The following NLRC5 variants were observed in gnomAD, a reference collection of about 807,000 sequenced individuals.
The protein encoded by NLRC5 is protein NLRC5.
In NLRC5, 114 loss-of-function variants were observed where a neutral mutation model predicts 206.9. That is an observed-to-expected ratio of 0.55 (90% CI 0.47 to 0.64). NLRC5 has a LOEUF of 0.64. Ranked by LOEUF, NLRC5 falls within the 30% of genes least tolerant of loss-of-function variation. The pLI is 0.00. For missense variants in NLRC5, 2,008 were observed against 2,305.5 expected, an observed-to-expected ratio of 0.87 and a Z score of 2.64; for synonymous variants, 952 against 962.8, an observed-to-expected ratio of 0.99 and a Z score of 0.21.
At chr16:57,037,906 C>A (rs1382039533) in intron 15 of NLRC5, among the ~76,000 whole-genome samples, 1 of 152,136 alleles carries the variant, frequency 6.6e-6, no homozygotes, top group Non-Finnish European at 1.5e-5. Context: ...AAACACCCCT[C>A]AAGGGAGGAG....
chr16:57,049,300 G>A (rs575476898), intron 23 of NLRC5, among the ~76,000 whole-genome samples: 1 of 152,260 alleles, frequency 6.6e-6, no homozygotes, highest in African/African-American at 2.4e-5. Flanking sequence ...TGCAGTCAGT[G>A]CTACAAAAAG....
Position 57,033,607 on chromosome 16 carries a change from T to G in NLRC5, c.2481T>G (p.Ala827=), listed in dbSNP as rs2062133546. 5.0e-6 allele frequency: 8 copies of G among 1,613,946 alleles called. No homozygotes were observed. The highest frequency in any genetic ancestry group is 6.8e-6 in the Non-Finnish European group (8 of 1,179,958). Residue 827 remains alanine, a synonymous_variant, in exon 12 of 49, where the codon GCT becomes GCG. Coordinates refer to ENST00000688547, the MANE Select transcript of NLRC5 (RefSeq NM_001384950.1). ...ATGCTTGATTTGTTCTTGCCAGAGC[T>G]CCAGACCTGCAGGAAAGTGACGGCC... ...PTETTAELQR[A]PDLQESDGQR...
chr16:57,035,967 T>C lies in NLRC5; in HGVS notation c.2628-133T>C, dbSNP rs184675751. 99 of 788,838 alleles carry C rather than the reference T, an allele frequency of 1.3e-4. No individual in the cohort carries two copies. In the East Asian group the frequency reaches 1.3e-3, roughly 10 times the overall value. 48.9% of individuals were successfully genotyped at this position (788,838 alleles called of 1,614,324 possible). Reference sequence around the variant, plus strand: ...TGCCAGGCATGTGGTATGGAGTCTGTCGATTTCAGTTATTATCAAGGTTCA... The same window carrying C: ...TGCCAGGCATGTGGTATGGAGTCTGCCGATTTCAGTTATTATCAAGGTTCA... On this transcript the variant is annotated intron_variant, in intron 13 of 48. Coordinates refer to ENST00000688547, the MANE Select transcript of NLRC5 (RefSeq NM_001384950.1).
rs142448114 is a variant in NLRC5, at chr16:57,022,900, C to T, written c.355+585C>T. Among the ~76,000 whole-genome samples, 11 of 152,374 alleles carry T rather than the reference C, an allele frequency of 7.2e-5. No individual in the cohort carries two copies. The East Asian group carries it at 2.1e-3, about 29-fold the overall frequency. On this transcript the variant is annotated intron_variant, in intron 4 of 48. Coordinates refer to ENST00000688547, the MANE Select transcript of NLRC5 (RefSeq NM_001384950.1). ...CAACAGAAAACCCACCCTATAACCT[C>T]AGCTCCCCAGTGAATCAAAACTGTC...
Position 57,046,601 on chromosome 16 carries a change from T to C in NLRC5, c.3298T>C (p.Phe1100Leu). 6.2e-7 allele frequency: 1 copy of C among 1,614,028 alleles called. No individual in the cohort carries two copies. The highest frequency in any genetic ancestry group is 8.5e-7 in the Non-Finnish European group (1 of 1,179,958). ...GCCAGACTTCCCAGCTGCAGCCAAG[T>C]TCTTAGGGTTCCGTCAGCGCTGCAT... ...SLPDFPAAAK[F>L]LGFRQRCIPR... The change falls in exon 22 of 49, where the codon TTC becomes CTC. Residue 1100 changes from phenylalanine to leucine, a missense_variant. Coordinates refer to ENST00000688547, the MANE Select transcript of NLRC5 (RefSeq NM_001384950.1).
chr16:57,017,820 G>A (rs1455467482), intron 2 of NLRC5, among the ~76,000 whole-genome samples: 1 of 152,150 alleles, frequency 6.6e-6, no homozygotes, highest in East Asian at 1.9e-4. Context: ...CCCACCAAAG[G>A]CCTAGAAAGA....
chr16:57,077,013 C>A, intron 40 of NLRC5, 111 bp downstream of exon 40: 1 of 949,706 alleles, frequency 1.1e-6, no homozygotes, highest in Non-Finnish European at 1.7e-6. Context: ...TCTCCTTCAC[C>A]CACTTCTACA....
At chr16:57,010,998 G>T (rs1672862) in intron 1 of NLRC5, among the ~76,000 whole-genome samples, 19,476 of 152,024 alleles carry the variant, frequency 0.13, 1,327 homozygotes, top group Middle Eastern at 0.16. Flanking sequence ...GTCCCAGCAG[G>T]CCCAGACCCC....
intron 1 of NLRC5, chr16:57,013,197 C>A: frequency 2.3e-6 from 1 of 427,052 alleles, no homozygotes; most frequent in Non-Finnish European, 4.5e-6. Context: ...CTTCTAACTT[C>A]ATTAAAGGTT....
chr16:57,077,505 G>A, intron 41 of NLRC5, 126 bp downstream of exon 41: 1 of 1,010,242 alleles, frequency 9.9e-7, no homozygotes, highest in South Asian at 1.5e-5. Context: ...CAGGCAGTGG[G>A]GCTCGGTGAC....
Position 57,047,647 on chromosome 16 carries a change from G to T in NLRC5, c.3422+19G>T. 23 of 1,599,686 alleles carry T rather than the reference G, an allele frequency of 1.4e-5. No individual in the cohort carries two copies. Among genetic ancestry groups the T allele is most frequent in the Non-Finnish European group, 1.9e-5 (22 of 1,170,250 alleles). On this transcript the variant is annotated intron_variant, in intron 23 of 48. Coordinates refer to ENST00000688547, the MANE Select transcript of NLRC5 (RefSeq NM_001384950.1). ...AACTGCAGTAAGTAACGAGGACACAGCCCCAGAGGGCACCATGTGGGGATC... is the reference window on the plus strand; with the variant it reads ...AACTGCAGTAAGTAACGAGGACACATCCCCAGAGGGCACCATGTGGGGATC...
chr16:57,033,579 C>T (rs1414980818), intron 11 of NLRC5, 25 bp from the exon 12 acceptor site: 1 of 1,613,070 alleles, frequency 6.2e-7, no homozygotes. Flanking sequence ...TGAGCCCAGG[C>T]CAATGCTTGA....
chr16:57,054,511 GA>G (rs1482904928), intron 24 of NLRC5, among the ~76,000 whole-genome samples: 3 of 152,142 alleles, frequency 2.0e-5, no homozygotes, highest in Non-Finnish European at 4.4e-5. Context: ...TCCAGATAAG[GA>G]AACTGAAGCT....
Position 57,034,203 on chromosome 16 carries a change from A to C in NLRC5, c.2579A>C (p.Glu860Ala). 1 of 1,614,008 alleles carries C rather than the reference A, an allele frequency of 6.2e-7. No individual in the cohort carries two copies. The highest frequency in any genetic ancestry group is 8.5e-7 in the Non-Finnish European group (1 of 1,179,952). The part of the protein sequence containing the change: ...QKCQLQVHDA[E>A]ALIALLQEGP... ...TGTCAGCTCCAGGTCCACGATGCGG[A>C]GGCCCTCATAGCCCTGCTCCAGGAA... Residue 860 changes from glutamate (E) to alanine (A), a missense_variant, in exon 13 of 49, where the codon GAG becomes GCG. Transcript: ENST00000688547.
intron 30 of NLRC5, among the ~76,000 whole-genome samples, chr16:57,059,895 G>A (rs1438489659): frequency 2.0e-5 from 3 of 152,188 alleles, no homozygotes; most frequent in African/African-American, 7.2e-5. Context: ...TGTGGCCCTG[G>A]ACAAGTAAAA....
chr16:57,043,195 A>T (rs1457900260), intron 19 of NLRC5, among the ~76,000 whole-genome samples: 1 of 152,098 alleles, frequency 6.6e-6, no homozygotes, highest in Non-Finnish European at 1.5e-5. Context: ...CCCCTCCCTT[A>T]TCAGGTGGAG....
In NLRC5 at chr16:57,046,625, A is replaced by C; in HGVS notation, c.3322A>C (p.Ile1108Leu). The change falls in exon 22 of 49, where the codon ATC becomes CTC. Residue 1108 changes from isoleucine to leucine, a missense_variant. By Grantham distance (5) the Ile-to-Leu change is conservative. Coordinates refer to ENST00000688547, the MANE Select transcript of NLRC5 (RefSeq NM_001384950.1). The part of the protein sequence containing the change: ...AKFLGFRQRC[I>L]PRSLCLSECP... The stretch of plus-strand genomic sequence containing the variant: ...GTTCTTAGGGTTCCGTCAGCGCTGC[A>C]TCCCCAGGAGCCTCTGGTACTGTCC... 1 of 1,613,954 alleles carries C rather than the reference A, an allele frequency of 6.2e-7. No individual in the cohort carries two copies.
intron 1 of NLRC5, chr16:57,003,733 A>C (rs1246503211): frequency 6.6e-6 from 1 of 151,954 alleles, no homozygotes; most frequent in East Asian, 1.9e-4. Flanking sequence ...TTGAAACCAT[A>C]TCTTTGCTCA....
Position 57,077,777 on chromosome 16 carries a change from C to A in NLRC5, c.4978C>A (p.Leu1660Ile), listed in dbSNP as rs1334244573. The A allele has an allele frequency of 6.2e-7, 1 of 1,605,198 alleles. No homozygotes were observed. Among genetic ancestry groups the A allele is most frequent in the East Asian group, 2.2e-5 (1 of 44,714 alleles). ...AGTGCAGTTGGCAGAGTCTCTCGTT[C>A]TTTGCAGGCGCCTGGAGGAGTTGAT... ...GGVQLAESLVLCRRLEELMLG... is the reference protein window; with the variant it reads ...GGVQLAESLVICRRLEELMLG... Residue 1660 changes from leucine to isoleucine, a missense_variant, in exon 42 of 49, where the codon CTT (leucine) becomes ATT (isoleucine). Transcript: ENST00000688547.
Sources: gnomAD v4.1 joint callset for allele counts (sites outside exome capture counted in the v4.1 genomes callset) on GRCh38, gnomAD v4.1.1 for gene constraint, MANE v1.5 for transcripts, NCBI Gene and HGNC (gene_info 2026-07-23, HGNC 2026-07-21) for gene names.